ATXN7L1: variants seen among roughly 807,000 people sequenced by gnomAD.
ATXN7L1 encodes ataxin 7 like 1.
Under a neutral mutation model 70.8 loss-of-function variants are expected in ATXN7L1, and 15 were observed. The observed-to-expected ratio is 0.21, with a 90% CI of 0.14 to 0.33. ATXN7L1 has a LOEUF of 0.33. Ranked by LOEUF, ATXN7L1 falls within the 10% of genes least tolerant of loss-of-function variation. ATXN7L1 has a pLI of 1.00. For synonymous variants in ATXN7L1, 440 were observed against 445.1 expected (o/e 0.99, Z 0.14); for missense variants, 975 against 1,097.1 (o/e 0.89, Z 1.57).
intron 4 of ATXN7L1, among the ~76,000 whole-genome samples, chr7:105,655,406 T>C (rs1346166573): frequency 6.6e-6 from 1 of 151,786 alleles, no homozygotes; most frequent in African/African-American, 2.4e-5. Flanking sequence ...CATCAAAGAG[T>C]TGTGGGCAGA....
chr7:105,659,907 A>G (rs1018424402), intron 4 of ATXN7L1, among the ~76,000 whole-genome samples: 1 of 151,330 alleles, frequency 6.6e-6, no homozygotes, highest in East Asian at 1.9e-4. Flanking sequence ...AGACGTGTAG[A>G]TATTTCTTAG....
intron 8 of ATXN7L1, among the ~76,000 whole-genome samples, chr7:105,623,272 C>T (rs377492630): frequency 6.6e-6 from 1 of 152,184 alleles, no homozygotes. Flanking sequence ...GCTGATCCTG[C>T]AGGACTCAGG....
chr7:105,870,499 A>C (rs1035862979), intron 2 of ATXN7L1, among the ~76,000 whole-genome samples: 2 of 152,180 alleles, frequency 1.3e-5, no homozygotes, highest in African/African-American at 4.8e-5. Context: ...AACATTCATT[A>C]AGCACTTACT....
chr7:105,836,919 G>A (rs188808449), intron 2 of ATXN7L1, among the ~76,000 whole-genome samples: 6 of 152,100 alleles, frequency 3.9e-5, no homozygotes, highest in Non-Finnish European at 7.4e-5. Flanking sequence ...TTAGCCGGGT[G>A]TGGTGGTGTG....
chr7:105,760,233 G>A (rs1328558082), intron 3 of ATXN7L1: 1 of 984,502 alleles, frequency 1.0e-6, no homozygotes, highest in Non-Finnish European at 1.2e-6. Context: ...GTCATGCACT[G>A]GGAAAAGTGA....
At chr7:105,852,742 G>C (rs1057172197) in intron 2 of ATXN7L1, among the ~76,000 whole-genome samples, 108 of 151,642 alleles carry the variant, frequency 7.1e-4, no homozygotes, top group African/African-American at 2.4e-3. Flanking sequence ...GATAGAAACA[G>C]GTATACATTT....
intron 8 of ATXN7L1, among the ~76,000 whole-genome samples, chr7:105,623,530 G>A (rs1410600719): frequency 6.6e-6 from 1 of 152,192 alleles, no homozygotes; most frequent in Non-Finnish European, 1.5e-5. Flanking sequence ...AGCAATCATG[G>A]TGACCTGAAA....
chr7:105,842,604 T>A (rs1403334459), intron 2 of ATXN7L1, among the ~76,000 whole-genome samples: 1 of 152,254 alleles, frequency 6.6e-6, no homozygotes, highest in Admixed American at 6.5e-5. Context: ...ATTTATCCAT[T>A]TATCATTTGA....
At chr7:105,826,562 A>G (rs575753101) in intron 2 of ATXN7L1, among the ~76,000 whole-genome samples, 1 of 152,364 alleles carries the variant, frequency 6.6e-6, no homozygotes, top group African/African-American at 2.4e-5. Context: ...AAAATGTGCA[A>G]TAAGGGAGTC....
intron 2 of ATXN7L1, among the ~76,000 whole-genome samples, chr7:105,872,937 G>A (rs531817920): frequency 1.5e-3 from 228 of 151,798 alleles, no homozygotes; most frequent in African/African-American, 5.1e-3. Context: ...GGTGGATCAC[G>A]AGGTCAGGAG....
In ATXN7L1 at chr7:105,790,625, T is replaced by C. The variant is rs1336751805; in HGVS notation, c.251-1917A>G. On this transcript the variant is annotated intron_variant, in intron 2 of 11. Transcript: ENST00000419735. ...AAAAAATTATCTATCTATCTATCTATCTATCTATCTATCTATCTATCTATC... is the reference window on the plus strand; with the variant it reads ...AAAAAATTATCTATCTATCTATCTACCTATCTATCTATCTATCTATCTATC... 2.7e-5 allele frequency among the ~76,000 whole-genome samples: 4 copies of C among 150,708 alleles called. No individual in the cohort carries two copies. In the East Asian group the frequency reaches 7.8e-4, roughly 29 times the overall value.
At chr7:105,748,344 C>T (rs1193743987) in intron 3 of ATXN7L1, among the ~76,000 whole-genome samples, 1 of 152,160 alleles carries the variant, frequency 6.6e-6, no homozygotes, top group Admixed American at 6.5e-5. Context: ...CTCTTCTCTA[C>T]CTGTGAGACT....
At chr7:105,679,046 AC>A in intron 3 of ATXN7L1, 1 of 984,160 alleles carries the variant, frequency 1.0e-6, no homozygotes, top group South Asian at 4.7e-5. Context: ...CTGCGCTCAC[AC>A]TTACACATCC....
At chr7:105,739,140 G>A (rs375011558) in intron 3 of ATXN7L1, among the ~76,000 whole-genome samples, 12 of 152,286 alleles carry the variant, frequency 7.9e-5, no homozygotes, top group African/African-American at 2.9e-4. Context: ...AGGCTTTTAG[G>A]GACCTGGAAC....
At chr7:105,799,600 A>G (rs1345545628) in intron 2 of ATXN7L1, among the ~76,000 whole-genome samples, 1 of 152,104 alleles carries the variant, frequency 6.6e-6, no homozygotes, top group Non-Finnish European at 1.5e-5. Flanking sequence ...AGCAATTGCG[A>G]CATTTTTTTT....
chr7:105,638,229 T>A, intron 7 of ATXN7L1, 124 bp downstream of exon 7: 4 of 1,303,648 alleles, frequency 3.1e-6, no homozygotes, highest in Non-Finnish European at 4.1e-6. Context: ...ACTTTACTAC[T>A]TGCCTTAGGA....
chr7:105,841,362 C>T (rs913550143), intron 2 of ATXN7L1, among the ~76,000 whole-genome samples: 7 of 152,218 alleles, frequency 4.6e-5, no homozygotes, highest in African/African-American at 1.7e-4. Context: ...TACAGCAGTC[C>T]TTGCTTATCC....
intron 3 of ATXN7L1, among the ~76,000 whole-genome samples, chr7:105,783,309 A>C (rs1803806087): frequency 6.6e-6 from 1 of 152,310 alleles, no homozygotes; most frequent in Non-Finnish European, 1.5e-5. Flanking sequence ...GAGCTCCTAA[A>C]ACCCTTGTAA....
Position 105,605,699 on chromosome 7 carries a change from T to G in ATXN7L1, c.*2153A>C, listed in dbSNP as rs1792736607. 6.6e-6 allele frequency: 1 copy of G among 152,126 alleles called. No individual in the cohort carries two copies. The highest frequency in any genetic ancestry group is 2.1e-4 in the South Asian group (1 of 4,828). The allele number at this position is 152,126 out of a possible 1,614,324, so 9.4% of individuals were successfully genotyped here. ...GTTTTTTGTTTTTACTCCTGCAAGT[T>G]TTACAACTCAAAATAAATTATAAAA... On this transcript the variant is annotated 3_prime_UTR_variant, in exon 12 of 12. Coordinates refer to ENST00000419735, the MANE Select transcript of ATXN7L1 (RefSeq NM_020725.2).
Sources: gnomAD v4.1 joint callset for allele counts (sites outside exome capture counted in the v4.1 genomes callset) on GRCh38, gnomAD v4.1.1 for gene constraint, MANE v1.5 for transcripts, NCBI Gene and HGNC (gene_info 2026-07-23, HGNC 2026-07-21) for gene names.